DOCK1: variants seen among roughly 807,000 people sequenced by gnomAD.
The protein encoded by DOCK1 is dedicator of cytokinesis 1.
A neutral mutation model predicts 262.7 loss-of-function variants in DOCK1; 138 were observed. The ratio of observed to expected loss-of-function variants is 0.53; its 90% confidence interval spans 0.46 to 0.61. The LOEUF (loss-of-function observed/expected upper bound fraction) is 0.61, where lower values mean the gene tolerates loss of function less well. Among genes scored for constraint, DOCK1 ranks in the 20% least tolerant of loss-of-function variants. DOCK1 has a pLI of 0.00. For missense variants in DOCK1, 1,908 were observed against 2,370.7 expected, an observed-to-expected ratio of 0.80 and a Z score of 4.05; for synonymous variants, 866 against 867.4, an observed-to-expected ratio of 1.00 and a Z score of 0.03.
At chr10:127,333,167 T>A (rs918373839) in intron 29 of DOCK1, among the ~76,000 whole-genome samples, 1 of 152,210 alleles carries the variant, frequency 6.6e-6, no homozygotes, top group African/African-American at 2.4e-5. Context: ...GCAGCCTGTC[T>A]TCATGCCCAA....
chr10:127,212,984 G>A (rs1017482934), intron 27 of DOCK1, among the ~76,000 whole-genome samples: 21 of 152,150 alleles, frequency 1.4e-4, no homozygotes, highest in Non-Finnish European at 2.5e-4. Context: ...AATACAATAA[G>A]GATGTATGAA....
chr10:126,981,818 C>A, intron 3 of DOCK1, 100 bp from the exon 4 acceptor site: 1 of 1,174,642 alleles, frequency 8.5e-7, no homozygotes, highest in South Asian at 1.5e-5. Context: ...TAAGAGCGAT[C>A]TAGCCACCCC....
chr10:127,074,804 A>G (rs2046418326), intron 23 of DOCK1, among the ~76,000 whole-genome samples: 1 of 152,184 alleles, frequency 6.6e-6, no homozygotes, highest in African/African-American at 2.4e-5. Flanking sequence ...ACATTTTCAT[A>G]TAATTCCAAG....
chr10:127,393,385 T>G (rs953935450), intron 38 of DOCK1, among the ~76,000 whole-genome samples: 1 of 152,174 alleles, frequency 6.6e-6, no homozygotes, highest in African/African-American at 2.4e-5. Flanking sequence ...CTTCATTACG[T>G]ACTTACTCTG....
chr10:127,173,119 C>T (rs1273055541), intron 27 of DOCK1, among the ~76,000 whole-genome samples: 2 of 152,168 alleles, frequency 1.3e-5, no homozygotes, highest in Non-Finnish European at 2.9e-5. Context: ...CCTCCCCAGA[C>T]CCCTGCTCCA....
chr10:127,397,038 G>A (rs55916851), intron 38 of DOCK1, among the ~76,000 whole-genome samples: 102 of 45,004 alleles, frequency 2.3e-3, no homozygotes, highest in African/African-American at 4.4e-3. Context: ...TTACACGGGC[G>A]GCGACTCCTA....
rs114684035 is a variant in DOCK1 at position 127,281,383 on chromosome 10, A to G, written c.3044+23954A>G. 3.2e-3 allele frequency among the ~76,000 whole-genome samples: 493 copies of G among 152,354 alleles called. 1 individual carries two copies. The highest frequency in any genetic ancestry group is 0.01 in the African/African-American group (426 of 41,582). On this transcript the variant is annotated intron_variant, in intron 29 of 51. Transcript: ENST00000623213. ...AAGCAGAAGGACACAGCAATGACACAGGAGAGCCTCACAAACAACAAACAC... is the reference window on the plus strand; with the variant it reads ...AAGCAGAAGGACACAGCAATGACACGGGAGAGCCTCACAAACAACAAACAC...
At chr10:127,046,858 G>A (rs991211295) in intron 21 of DOCK1, among the ~76,000 whole-genome samples, 4 of 151,426 alleles carry the variant, frequency 2.6e-5, no homozygotes, top group African/African-American at 9.7e-5. Context: ...TCTTCTGAGT[G>A]TCTTATTCCA....
intron 25 of DOCK1, among the ~76,000 whole-genome samples, chr10:127,122,002 A>G (rs2049614318): frequency 6.6e-6 from 1 of 152,174 alleles, no homozygotes; most frequent in African/African-American, 2.4e-5. Flanking sequence ...GCTCTTATGG[A>G]GATTGCATAT....
At chr10:127,336,672 T>C (rs2063208475) in intron 29 of DOCK1, among the ~76,000 whole-genome samples, 1 of 152,040 alleles carries the variant, frequency 6.6e-6, no homozygotes, top group African/African-American at 2.4e-5. Context: ...CCCAAGTAGC[T>C]GGGACTGCAG....
At chr10:127,357,621 G>A (rs574736747) in intron 32 of DOCK1, among the ~76,000 whole-genome samples, 89 of 152,352 alleles carry the variant, frequency 5.8e-4, no homozygotes, top group African/African-American at 2.1e-3. Context: ...TGCATGAGGT[G>A]TGTGTTTTGC....
intron 50 of DOCK1, among the ~76,000 whole-genome samples, chr10:127,445,583 G>A (rs1889476): frequency 0.33 from 50,045 of 152,050 alleles, 8,550 homozygotes; most frequent in East Asian, 0.44. Flanking sequence ...CTGCTGCTGC[G>A]GAAAACAATT....
chr10:127,328,895 C>G lies in DOCK1; in HGVS notation c.3045-10111C>G, dbSNP rs115455492. On this transcript the variant is annotated intron_variant, in intron 29 of 51. Transcript: ENST00000623213. The stretch of plus-strand genomic sequence containing the variant: ...GCCTGCAGTTTCTGAAACATGCCCT[C>G]TTTCCTTCTTGTGTTTTTTCTTTTT... Among the ~76,000 whole-genome samples the G allele has an allele frequency of 2.1e-3, 312 of 151,826 alleles. 2 individuals are homozygous for G. The highest frequency in any genetic ancestry group is 7.1e-3 in the African/African-American group (292 of 41,412).
chr10:127,410,417 G>A (rs1590939598), intron 42 of DOCK1, among the ~76,000 whole-genome samples: 1 of 152,192 alleles, frequency 6.6e-6, no homozygotes, highest in African/African-American at 2.4e-5. Flanking sequence ...GACCGCGGAG[G>A]CAGGTTACTT....
At chr10:127,055,392 A>G (rs2045070191) in intron 22 of DOCK1, among the ~76,000 whole-genome samples, 1 of 152,214 alleles carries the variant, frequency 6.6e-6, no homozygotes, top group Non-Finnish European at 1.5e-5. Flanking sequence ...CAGCTGTGCC[A>G]GCTATTCTTC....
chr10:127,443,038 T>C (rs1409353241), intron 49 of DOCK1, among the ~76,000 whole-genome samples: 1 of 152,212 alleles, frequency 6.6e-6, no homozygotes, highest in East Asian at 1.9e-4. Context: ...TCGGCAGGGC[T>C]GATTCCTTCA....
chr10:126,955,932 T>C (rs2036700357), intron 1 of DOCK1, among the ~76,000 whole-genome samples: 1 of 152,154 alleles, frequency 6.6e-6, no homozygotes, highest in African/African-American at 2.4e-5. Flanking sequence ...GTGTTGAGGG[T>C]AGCCTTTGGG....
intron 23 of DOCK1, among the ~76,000 whole-genome samples, chr10:127,081,771 T>C (rs2046913202): frequency 6.6e-6 from 1 of 152,138 alleles, no homozygotes; most frequent in South Asian, 2.1e-4. Context: ...ACGAGTTCTT[T>C]CTAAAAAAAT....
intron 29 of DOCK1, among the ~76,000 whole-genome samples, chr10:127,270,683 T>G (rs1047342499): frequency 6.6e-6 from 1 of 152,166 alleles, no homozygotes; most frequent in Admixed American, 6.5e-5. Flanking sequence ...CTGTAGGAGC[T>G]GCCAACTTCC....
Sources: gnomAD v4.1 joint callset for allele counts (sites outside exome capture counted in the v4.1 genomes callset) on GRCh38, gnomAD v4.1.1 for gene constraint, MANE v1.5 for transcripts, NCBI Gene and HGNC (gene_info 2026-07-23, HGNC 2026-07-21) for gene names.